WDFY4: variants seen among roughly 807,000 people sequenced by gnomAD.
The protein encoded by WDFY4 is WD repeat- and FYVE domain-containing protein 4.
A neutral mutation model predicts 351.9 loss-of-function variants in WDFY4; 169 were observed. The ratio of observed to expected loss-of-function variants is 0.48; its 90% confidence interval spans 0.42 to 0.55. WDFY4 has a LOEUF of 0.55. Ranked by LOEUF, WDFY4 falls within the 20% of genes least tolerant of loss-of-function variation. The pLI is 0.00. For synonymous variants in WDFY4, 1,622 were observed against 1,574.6 expected, an observed-to-expected ratio of 1.03 and a Z score of -0.71; for missense variants, 3,803 against 3,935.6, an observed-to-expected ratio of 0.97 and a Z score of 0.90.
chr10:48,909,462 G>T lies in WDFY4; in HGVS notation c.7586+7599G>T, dbSNP rs868570955. On this transcript the variant is annotated intron_variant, in intron 47 of 61. Transcript: ENST00000325239. ...CTTAGTCCATTTGCATTGCTGTAAA[G>T]GAATACTTAAGGCTAGGTAATTTAT... 25 of 151,804 alleles carry T rather than the reference G, an allele frequency of 1.6e-4. 1 individual carries two copies. Among genetic ancestry groups the T allele is most frequent in the African/African-American group, 6.1e-4 (25 of 41,162 alleles). 9.4% of individuals were successfully genotyped at this position (151,804 alleles called of 1,614,324 possible).
At chr10:48,854,205 T>C (rs185308682) in intron 39 of WDFY4, among the ~76,000 whole-genome samples, 16 of 150,854 alleles carry the variant, frequency 1.1e-4, no homozygotes, top group African/African-American at 3.4e-4. Context: ...ACCTCCGGGG[T>C]TCAAGCCACC....
Position 48,789,973 on chromosome 10 carries a change from G to C in WDFY4, c.4054G>C (p.Val1352Leu). The change falls in exon 22 of 62, where the codon GTG becomes CTG. Residue 1352 changes from valine (V) to leucine (L), a missense_variant. Val to Leu is a conservative substitution (Grantham distance 32). Transcript: ENST00000325239. ...TCTGCGGACCATTGGAGCTGTTGCT[G>C]TGGGTCAATTAGGTATGTTCAACTG... The part of the protein sequence containing the change: ...GSLRTIGAVA[V>L]GQLGVRVFHS... 1 of 1,552,366 alleles carries C rather than the reference G, an allele frequency of 6.4e-7. No individual in the cohort carries two copies. Among genetic ancestry groups the C allele is most frequent in the Non-Finnish European group, 8.7e-7 (1 of 1,147,130 alleles).
Position 48,774,601 on chromosome 10 carries a change from C to A in WDFY4, c.2697C>A (p.Ser899Arg). The change falls in exon 14 of 62, where the codon AGC (serine) becomes AGA (arginine). Residue 899 changes from serine (S) to arginine (R), a missense_variant. Physicochemically the swap from Ser to Arg is moderately radical, Grantham distance 110. This residue lies in a region of WDFY4 where 3,054 missense variants were observed against 3,148.6 expected (regional missense o/e 0.97). Transcript: ENST00000325239. ...SCHRALVTSG[S>R]PLHSRLIRIF... Reference sequence around the variant, plus strand: ...ACAGGGCCCTGGTCACCAGTGGCAGCCCCCTCCACTCACGCCTCATCAGGA... The same window carrying A: ...ACAGGGCCCTGGTCACCAGTGGCAGACCCCTCCACTCACGCCTCATCAGGA... 1.3e-6 allele frequency: 2 copies of A among 1,551,670 alleles called. No homozygotes were observed. Among genetic ancestry groups the A allele is most frequent in the Non-Finnish European group, 1.7e-6 (2 of 1,146,956 alleles).
chr10:48,754,461 C>G (rs367889891), intron 12 of WDFY4, among the ~76,000 whole-genome samples: 1 of 151,830 alleles, frequency 6.6e-6, no homozygotes, highest in Admixed American at 6.6e-5. Flanking sequence ...GTAAATTACT[C>G]TCCTTCTGCA....
intron 39 of WDFY4, among the ~76,000 whole-genome samples, chr10:48,863,471 C>G (rs1278448367): frequency 6.6e-6 from 1 of 152,164 alleles, no homozygotes; most frequent in Non-Finnish European, 1.5e-5. Context: ...ACCTTTTCAC[C>G]TGCTTATTAG....
chr10:48,739,123 T>G (rs1169727485), intron 11 of WDFY4, among the ~76,000 whole-genome samples: 1 of 152,252 alleles, frequency 6.6e-6, no homozygotes, highest in African/African-American at 2.4e-5. Flanking sequence ...GCTGTTCAAC[T>G]CTGAGCTTAA....
intron 13 of WDFY4, among the ~76,000 whole-genome samples, chr10:48,770,883 G>A (rs1455223094): frequency 2.6e-5 from 4 of 152,222 alleles, no homozygotes. Context: ...GTGACATCAT[G>A]TGCTCAGGAA....
intron 4 of WDFY4, among the ~76,000 whole-genome samples, chr10:48,722,347 G>A (rs1259908835): frequency 6.6e-6 from 1 of 152,146 alleles, no homozygotes; most frequent in Non-Finnish European, 1.5e-5. Flanking sequence ...TTTAACCTAA[G>A]GGCTTGTTTT....
In WDFY4 at chr10:48,946,050, T is replaced by G. The variant is rs1367164650; in HGVS notation, c.7760T>G (p.Leu2587Trp). The change falls in exon 50 of 62, where the codon TTG becomes TGG. Residue 2587 changes from leucine to tryptophan, a missense_variant. Leu to Trp is a moderately conservative substitution (Grantham distance 61, BLOSUM62 -2). Around this residue, in one of 3 missense-constraint regions of WDFY4, gnomAD observed 3,054 missense variants for 3,148.6 expected, o/e 0.97. Transcript: ENST00000325239. ...ACATCTGCCTTCTAGACATTGAACT[T>G]GGCAAATCCGAAGATTTTCCGGGAT... ...LADYTSETLN[L>W]ANPKIFRDLS... 6 of 1,544,678 alleles carry G rather than the reference T, an allele frequency of 3.9e-6. No homozygotes were observed. Among genetic ancestry groups the G allele is most frequent in the Non-Finnish European group, 5.2e-6 (6 of 1,145,096 alleles).
At chr10:48,782,048 C>T (rs2066243968) in intron 19 of WDFY4, among the ~76,000 whole-genome samples, 1 of 152,124 alleles carries the variant, frequency 6.6e-6, no homozygotes, top group Non-Finnish European at 1.5e-5. Context: ...TCTGTCTGTT[C>T]TGAATTGGGT....
intron 48 of WDFY4, among the ~76,000 whole-genome samples, chr10:48,942,460 C>T (rs74781511): frequency 0.018 from 2,739 of 152,264 alleles, 75 homozygotes; most frequent in African/African-American, 0.062. Context: ...CACACCCCAT[C>T]TGTGAAGATA....
intron 2 of WDFY4, among the ~76,000 whole-genome samples, chr10:48,718,319 T>C (rs1346766997): frequency 6.6e-6 from 1 of 152,222 alleles, no homozygotes; most frequent in African/African-American, 2.4e-5. Flanking sequence ...CTTTTCACTT[T>C]GTTTATAGAA....
chr10:48,859,254 A>G (rs990869940), intron 39 of WDFY4, among the ~76,000 whole-genome samples: 1 of 152,130 alleles, frequency 6.6e-6, no homozygotes, highest in African/African-American at 2.4e-5. Flanking sequence ...TTCTAGCACT[A>G]TATTTAATAA....
intron 13 of WDFY4, among the ~76,000 whole-genome samples, chr10:48,763,915 A>T (rs2132539618): frequency 6.6e-6 from 1 of 152,342 alleles, no homozygotes; most frequent in African/African-American, 2.4e-5. Context: ...TAGTGAATCA[A>T]ATGAGAAATG....
chr10:48,925,059 A>G lies in WDFY4; in HGVS notation c.7587-16747A>G, dbSNP rs573118615. 5.9e-5 allele frequency among the ~76,000 whole-genome samples: 9 copies of G among 152,358 alleles called. No homozygotes were observed. The South Asian group carries it at 1.5e-3, about 25-fold the overall frequency. Reference sequence around the variant, plus strand: ...TGGGACTAGCTTTGTAGGCAGTTTCATGTCATGTGGATGAGAAATATCTTT... The same window carrying G: ...TGGGACTAGCTTTGTAGGCAGTTTCGTGTCATGTGGATGAGAAATATCTTT... On this transcript the variant is annotated intron_variant, in intron 47 of 61. Coordinates refer to ENST00000325239, the MANE Select transcript of WDFY4 (RefSeq NM_001394531.1).
chr10:48,877,250 G>C, intron 43 of WDFY4, 51 bp downstream of exon 43: 1 of 1,511,718 alleles, frequency 6.6e-7, no homozygotes, highest in East Asian at 2.5e-5. Context: ...TAGTTGTTAA[G>C]ATTGTCAGAC....
At chr10:48,745,960 C>A (rs369337105) in intron 12 of WDFY4, 147 of 191,758 alleles carry the variant, frequency 7.7e-4, no homozygotes, top group African/African-American at 3.3e-3. Context: ...CATCCGCCTG[C>A]GGAAGAAGGC....
At chr10:48,871,003 G>A (rs1476918593) in intron 40 of WDFY4, among the ~76,000 whole-genome samples, 2 of 151,824 alleles carry the variant, frequency 1.3e-5, no homozygotes, top group Non-Finnish European at 2.9e-5. Context: ...GCGCTATCTC[G>A]GCTCACTGCA....
intron 44 of WDFY4, among the ~76,000 whole-genome samples, chr10:48,897,151 G>T (rs1837121169): frequency 6.6e-6 from 1 of 152,224 alleles, no homozygotes; most frequent in South Asian, 2.1e-4. Context: ...GCATCATCCT[G>T]GAAACTGCGC....
Sources: gnomAD v4.1 joint callset for allele counts (sites outside exome capture counted in the v4.1 genomes callset) on GRCh38, gnomAD v4.1.1 for gene constraint, gnomAD v4.1.1 regional missense constraint, MANE v1.5 for transcripts, NCBI Gene and HGNC (gene_info 2026-07-23, HGNC 2026-07-21) for gene names.